Variants in TRIM37 observed in about 807,000 individuals in gnomAD.
TRIM37 encodes E3 ubiquitin-protein ligase TRIM37.
In TRIM37, 80 loss-of-function variants were observed where a neutral mutation model predicts 129.8. That is an observed-to-expected ratio of 0.62 (90% CI 0.51 to 0.74). TRIM37 has a LOEUF of 0.74. Among genes scored for constraint, TRIM37 ranks in the 30% least tolerant of loss-of-function variants. The pLI is 0.00. For missense variants in TRIM37, 1,054 were observed against 1,176.5 expected (o/e 0.90, Z 1.52); for synonymous variants, 389 against 387.1 (o/e 1.00, Z -0.06).
chr17:58,969,676 C>T, the TRIM37 span: 1 of 1,614,208 alleles, frequency 6.2e-7, no homozygotes, highest in East Asian at 2.2e-5. Flanking sequence ...AGGCCCTGTG[C>T]AGGGCCTTCC....
chr17:59,097,309 A>C (rs1438365721), intron 2 of TRIM37, among the ~76,000 whole-genome samples: 1 of 152,220 alleles, frequency 6.6e-6, no homozygotes, highest in East Asian at 1.9e-4. Context: ...GGCAAGATAA[A>C]GAAATAAAAA....
chr17:58,987,293 G>A (rs1291653548), intron 24 of TRIM37, among the ~76,000 whole-genome samples: 1 of 152,170 alleles, frequency 6.6e-6, no homozygotes. Context: ...ATTAGGGGTG[G>A]CCAATTAAGC....
chr17:59,036,708 T>C (rs952367109), intron 17 of TRIM37, among the ~76,000 whole-genome samples: 2 of 152,114 alleles, frequency 1.3e-5, no homozygotes, highest in African/African-American at 4.8e-5. Flanking sequence ...TAAGTAAACA[T>C]TTAACTTTAT....
the TRIM37 span, chr17:58,972,721 A>C: frequency 1.0e-6 from 1 of 978,304 alleles, no homozygotes; most frequent in South Asian, 1.4e-5. Flanking sequence ...TGGAGAAACA[A>C]AGAGAACCTT....
At chr17:58,985,553 C>A (rs1050847411) in intron 24 of TRIM37, among the ~76,000 whole-genome samples, 1 of 152,124 alleles carries the variant, frequency 6.6e-6, no homozygotes, top group Non-Finnish European at 1.5e-5. Flanking sequence ...GAGTTTCAAG[C>A]TAGAAGAAAG....
At chr17:59,039,049 T>C (rs545366589) in intron 17 of TRIM37, among the ~76,000 whole-genome samples, 18 of 152,186 alleles carry the variant, frequency 1.2e-4, no homozygotes, top group Non-Finnish European at 1.0e-4. Flanking sequence ...GAGCATTGAG[T>C]GCCTTCGTGT....
intron 17 of TRIM37, among the ~76,000 whole-genome samples, chr17:59,039,608 G>A (rs1387799791): frequency 3.3e-5 from 5 of 151,298 alleles, no homozygotes; most frequent in Non-Finnish European, 7.4e-5. Flanking sequence ...GCCTCCCAAC[G>A]TGCTGGGATT....
intron 22 of TRIM37, among the ~76,000 whole-genome samples, chr17:59,005,876 T>C (rs1441602109): frequency 2.0e-5 from 3 of 152,204 alleles, no homozygotes; most frequent in Admixed American, 6.5e-5. Context: ...TGAACACACA[T>C]AAAACGGCGA....
At chr17:58,977,630 C>G in the TRIM37 span, among the ~76,000 whole-genome samples, 7 of 152,166 alleles carry the variant, frequency 4.6e-5, no homozygotes, top group Non-Finnish European at 7.3e-5. Context: ...TGTATCTAAT[C>G]ATGCAACCTG....
intron 8 of TRIM37, among the ~76,000 whole-genome samples, chr17:59,071,323 T>C (rs1203612168): frequency 1.3e-5 from 2 of 149,946 alleles, no homozygotes; most frequent in Non-Finnish European, 3.0e-5. Context: ...TCTTGCTCTG[T>C]TGCCCAGGCT....
At chr17:58,995,800 G>A (rs80322261), downstream of TRIM37, among the ~76,000 whole-genome samples, 1,463 of 152,076 alleles carry the variant, frequency 9.6e-3, 8 homozygotes, top group Middle Eastern at 0.02. Context: ...AGGCTGAGAC[G>A]GGAGGGTCAC....
At position 59,036,630 on chromosome 17, in the gene TRIM37, T is replaced by C. The variant is rs962590010; in HGVS notation, c.1754-4540A>G. On this transcript the variant is annotated intron_variant, in intron 17 of 23. Coordinates refer to ENST00000262294, the MANE Select transcript of TRIM37 (RefSeq NM_015294.6). ...CCCAAGTAGCCAGGACTACAGCCAG[T>C]TGAGTCAATAAATATTTCTTGTTTC... Among the ~76,000 whole-genome samples, 8 of 152,010 alleles carry C rather than the reference T, an allele frequency of 5.3e-5. No homozygotes were observed. The East Asian group carries it at 9.7e-4, about 18-fold the overall frequency.
Position 59,097,571 on chromosome 17 carries a change from T to G in TRIM37, c.124-6231A>C, listed in dbSNP as rs144677845. On this transcript the variant is annotated intron_variant, in intron 2 of 23. Coordinates refer to ENST00000262294, the MANE Select transcript of TRIM37 (RefSeq NM_015294.6). ...CTTAGGGAAAAAAAAAACCAAGAAT[T>G]TGAAAGACATACATGGAGGCTGAGT... Among the ~76,000 whole-genome samples, 1,344 of 151,966 alleles carry G rather than the reference T, an allele frequency of 8.8e-3. 11 individuals are homozygous for G. The highest frequency in any genetic ancestry group is 0.012 in the Non-Finnish European group (831 of 67,968).
chr17:59,002,782 T>C (rs926071729), intron 22 of TRIM37, among the ~76,000 whole-genome samples: 6 of 152,156 alleles, frequency 3.9e-5, no homozygotes, highest in Non-Finnish European at 8.8e-5. Context: ...CCTGGAGAGC[T>C]TCCTGTGAGG....
Position 59,070,952 on chromosome 17 carries a change from G to C in TRIM37, c.685-5C>G. The C allele has an allele frequency of 1.9e-6, 3 of 1,612,862 alleles. No homozygotes were observed. Among genetic ancestry groups the C allele is most frequent in the Non-Finnish European group, 2.5e-6 (3 of 1,179,676 alleles). ...ACTCTTACTACAAGACCGCAACTGT[G>C]TGAGGAAAAAAATTATCTGAACAAA... On this transcript the variant is annotated splice_polypyrimidine_tract_variant and splice_region_variant and intron_variant, in intron 8 of 23. Coordinates refer to ENST00000262294, the MANE Select transcript of TRIM37 (RefSeq NM_015294.6).
chr17:58,970,577 T>C, the TRIM37 span, among the ~76,000 whole-genome samples: 4 of 152,204 alleles, frequency 2.6e-5, no homozygotes, highest in African/African-American at 9.7e-5. Context: ...TTTGATAGCA[T>C]AGTTATGCTA....
At chr17:59,069,894 G>C (rs1352464065) in intron 9 of TRIM37, among the ~76,000 whole-genome samples, 2 of 152,228 alleles carry the variant, frequency 1.3e-5, no homozygotes, top group African/African-American at 2.4e-5. Context: ...TGAAGACACA[G>C]AAAGAAGGCA....
chr17:58,975,463 C>T, the TRIM37 span, among the ~76,000 whole-genome samples: 2 of 152,242 alleles, frequency 1.3e-5, no homozygotes, highest in South Asian at 4.1e-4. Flanking sequence ...ATAGTGATAC[C>T]TCATCTCTAT....
At chr17:58,990,803 A>G (rs2032312282) in intron 24 of TRIM37, among the ~76,000 whole-genome samples, 1 of 150,818 alleles carries the variant, frequency 6.6e-6, no homozygotes, top group Admixed American at 6.6e-5. Context: ...AAAAAAAAAA[A>G]AGAAAGAAAG....
Sources: allele counts gnomAD v4.1 joint callset (sites outside exome capture counted in the v4.1 genomes callset), GRCh38; gene constraint gnomAD v4.1.1; transcripts MANE v1.5; gene names NCBI Gene and HGNC (gene_info 2026-07-23, HGNC 2026-07-21).